Variants in SAMTOR observed in about 807,000 individuals in gnomAD.
The protein encoded by SAMTOR is S-adenosylmethionine sensor upstream of mTORC1.
At chr7:112,866,566 C>G in the SAMTOR span, among the ~76,000 whole-genome samples, 3 of 152,304 alleles carry the variant, frequency 2.0e-5, no homozygotes, top group South Asian at 4.1e-4. Flanking sequence ...TAGTGGCCAC[C>G]TGCCTGCGGC....
chr7:112,939,300 A>T, the SAMTOR span: 36,608 of 476,290 alleles, frequency 0.077, 3,151 homozygotes, highest in African/African-American at 0.31. Flanking sequence ...GTGTGTGCCG[A>T]GACAACAACC....
At chr7:112,902,499 G>A in the SAMTOR span, among the ~76,000 whole-genome samples, 1 of 149,062 alleles carries the variant, frequency 6.7e-6, no homozygotes, top group Admixed American at 6.7e-5. Context: ...GAAAAGGCCG[G>A]CACAAAGGAT....
the SAMTOR span, among the ~76,000 whole-genome samples, chr7:112,915,661 C>T: frequency 6.6e-6 from 1 of 151,804 alleles, no homozygotes; most frequent in African/African-American, 2.4e-5. Flanking sequence ...AATAAAAGTT[C>T]CTTTATGTAA....
chr7:112,901,307 A>T, the SAMTOR span, among the ~76,000 whole-genome samples: 1 of 152,176 alleles, frequency 6.6e-6, no homozygotes, highest in Admixed American at 6.5e-5. Flanking sequence ...CAGTGACAGC[A>T]CTAGATTCTC....
the SAMTOR span, among the ~76,000 whole-genome samples, chr7:112,879,766 A>C: frequency 3.9e-5 from 6 of 152,178 alleles, no homozygotes; most frequent in Non-Finnish European, 8.8e-5. Flanking sequence ...TACATCTGCC[A>C]TGCCCATAAA....
chr7:112,884,174 C>T, the SAMTOR span, among the ~76,000 whole-genome samples: 1 of 152,154 alleles, frequency 6.6e-6, no homozygotes, highest in East Asian at 1.9e-4. Flanking sequence ...TTACCTTCCA[C>T]CGGGTCCTTC....
the SAMTOR span, among the ~76,000 whole-genome samples, chr7:112,890,886 T>C: frequency 3.9e-5 from 6 of 152,084 alleles, no homozygotes; most frequent in African/African-American, 1.4e-4. Flanking sequence ...AGACAGGTTT[T>C]GTCATGTTGT....
the SAMTOR span, among the ~76,000 whole-genome samples, chr7:112,916,799 C>A: frequency 2.0e-5 from 3 of 152,216 alleles, no homozygotes. Flanking sequence ...ATATCCCACA[C>A]CTGACTCGGA....
chr7:112,863,923 C>G, the SAMTOR span, among the ~76,000 whole-genome samples: 1 of 152,158 alleles, frequency 6.6e-6, no homozygotes, highest in Non-Finnish European at 1.5e-5. Context: ...AAATATAAAT[C>G]ATTCTATTAT....
At chr7:112,912,956 C>T in the SAMTOR span, among the ~76,000 whole-genome samples, 3 of 152,120 alleles carry the variant, frequency 2.0e-5, no homozygotes, top group Non-Finnish European at 4.4e-5. Flanking sequence ...GCCTGCTGTA[C>T]TGTAATAGTA....
the SAMTOR span, among the ~76,000 whole-genome samples, chr7:112,836,159 G>T: frequency 1.3e-5 from 2 of 151,998 alleles, no homozygotes; most frequent in African/African-American, 4.8e-5. Flanking sequence ...GTTATTTTTT[G>T]ACTTTTTAAT....
the SAMTOR span, among the ~76,000 whole-genome samples, chr7:112,910,896 A>G: frequency 3.3e-5 from 5 of 152,314 alleles, no homozygotes; most frequent in East Asian, 7.7e-4. Flanking sequence ...GATACAATTT[A>G]AAAAACAACG....
the SAMTOR span, among the ~76,000 whole-genome samples, chr7:112,860,950 T>TA: frequency 6.8e-6 from 1 of 147,394 alleles, no homozygotes; most frequent in Non-Finnish European, 1.5e-5. Flanking sequence ...ACAGATTTGA[T>TA]ACTTCTCTTC....
chr7:112,883,675 T>G, the SAMTOR span, among the ~76,000 whole-genome samples: 2 of 152,224 alleles, frequency 1.3e-5, no homozygotes, highest in Non-Finnish European at 2.9e-5. Context: ...GTAGGAATGA[T>G]CCTATGATAA....
the SAMTOR span, among the ~76,000 whole-genome samples, chr7:112,896,837 A>G: frequency 6.6e-6 from 1 of 152,224 alleles, no homozygotes; most frequent in African/African-American, 2.4e-5. Context: ...TTTTAGAAAG[A>G]TAAGTAGGAA....
At chr7:112,930,000 A>G in the SAMTOR span, among the ~76,000 whole-genome samples, 6 of 152,074 alleles carry the variant, frequency 3.9e-5, no homozygotes, top group Non-Finnish European at 7.4e-5. Context: ...AAAAAAATAC[A>G]TGAGTATCAA....
the SAMTOR span, among the ~76,000 whole-genome samples, chr7:112,916,551 G>A: frequency 6.6e-6 from 1 of 152,196 alleles, no homozygotes; most frequent in African/African-American, 2.4e-5. Context: ...TCCATCTGAG[G>A]TACCGGGTTC....
the SAMTOR span, among the ~76,000 whole-genome samples, chr7:112,907,964 T>C: frequency 4.1e-4 from 62 of 152,222 alleles, no homozygotes; most frequent in Middle Eastern, 3.4e-3. Context: ...TAATCTCCAT[T>C]CCTGCAATTC....
At chr7:112,888,247 T>C in the SAMTOR span, among the ~76,000 whole-genome samples, 1 of 152,180 alleles carries the variant, frequency 6.6e-6, no homozygotes, top group Non-Finnish European at 1.5e-5. Flanking sequence ...CAGTTCTCTG[T>C]TACTGATTTC....
Sources: gnomAD v4.1 joint callset for allele counts (sites outside exome capture counted in the v4.1 genomes callset) on GRCh38, gnomAD v4.1.1 for gene constraint, MANE v1.5 for transcripts, NCBI Gene and HGNC (gene_info 2026-07-23, HGNC 2026-07-21) for gene names.